The following MYH10 variants were observed in gnomAD, a reference collection of about 807,000 sequenced individuals.
MYH10 encodes myosin-10.
In MYH10, 55 loss-of-function variants were observed where a neutral mutation model predicts 257.8. That is an observed-to-expected ratio of 0.21 (90% CI 0.17 to 0.27). The LOEUF (loss-of-function observed/expected upper bound fraction) is 0.27, where lower values mean the gene tolerates loss of function less well. Among genes scored for constraint, MYH10 ranks in the 10% least tolerant of loss-of-function variants. MYH10 has a pLI of 1.00. For missense variants in MYH10, 1,631 were observed against 2,500.6 expected, an observed-to-expected ratio of 0.65 and a Z score of 7.42; for synonymous variants, 854 against 921.7, an observed-to-expected ratio of 0.93 and a Z score of 1.33.
At chr17:8,627,735 C>A (rs1272065201) in intron 1 of MYH10, among the ~76,000 whole-genome samples, 1 of 152,208 alleles carries the variant, frequency 6.6e-6, no homozygotes, top group Non-Finnish European at 1.5e-5. Flanking sequence ...AAGGACAACA[C>A]TATGATTTTT....
rs1401015943 is a variant in MYH10, at chr17:8,552,261, T to C, written c.821-117A>G. On this transcript the variant is annotated intron_variant, in intron 8 of 42. Transcript: ENST00000360416. This position sits in a 1 kb window ranked among gnomAD's most constrained non-coding sequence, Gnocchi z 4.8. ...ACATCTTCTTTCTCTGATTATTATA[T>C]AAACTATCCTGCAATGAACTATTCT... 4.3e-6 allele frequency: 2 copies of C among 470,474 alleles called. No individual in the cohort carries two copies. The highest frequency in any genetic ancestry group is 7.2e-6 in the Non-Finnish European group (2 of 276,580). The allele number at this position is 470,474 out of a possible 1,614,324, so 29.1% of individuals were successfully genotyped here. A position where few individuals can be genotyped will look rare whatever the true frequency, so the allele number is the denominator to read the frequency against.
intron 3 of MYH10, among the ~76,000 whole-genome samples, chr17:8,602,213 C>T (rs575216126): frequency 2.6e-5 from 4 of 152,264 alleles, no homozygotes; most frequent in South Asian, 2.1e-4. Flanking sequence ...CTCCTGACCT[C>T]GTGATCCGCT....
At chr17:8,588,990 TG>T in intron 4 of MYH10, 90 bp downstream of exon 4, 1 of 1,177,170 alleles carries the variant, frequency 8.5e-7, no homozygotes, top group African/African-American at 1.5e-5. Flanking sequence ...TAAAAATTAC[TG>T]CTCTACTTCT....
intron 17 of MYH10, among the ~76,000 whole-genome samples, chr17:8,528,366 T>G (rs985317266): frequency 2.0e-5 from 3 of 152,168 alleles, no homozygotes; most frequent in Non-Finnish European, 4.4e-5. Context: ...TGCTTGCATC[T>G]TCCACTACTG....
chr17:8,618,874 T>C (rs1490969905), intron 2 of MYH10, among the ~76,000 whole-genome samples: 5 of 152,232 alleles, frequency 3.3e-5, no homozygotes, highest in Non-Finnish European at 7.3e-5. Flanking sequence ...ATTCTAATTT[T>C]CACATAAAAA....
intron 37 of MYH10, among the ~76,000 whole-genome samples, chr17:8,482,521 T>C (rs1201524180): frequency 6.6e-6 from 1 of 152,184 alleles, no homozygotes; most frequent in Admixed American, 6.5e-5. Context: ...GCCTCTGGTG[T>C]TTTGTCTTCT....
chr17:8,553,941 A>C lies in MYH10; in HGVS notation c.820+14T>G. The C allele has an allele frequency of 6.2e-7, 1 of 1,605,252 alleles. No individual in the cohort carries two copies. Among genetic ancestry groups the C allele is most frequent in the South Asian group, 1.1e-5 (1 of 90,712 alleles). On this transcript the variant is annotated intron_variant, in intron 8 of 42. Transcript: ENST00000360416. ...CTTCTTTATTTTGGATTATACATTT[A>C]TGAAAAAGGATACATGTTTCAATGT...
chr17:8,588,837 C>T (rs997606860), intron 4 of MYH10, among the ~76,000 whole-genome samples: 41 of 152,148 alleles, frequency 2.7e-4, no homozygotes, highest in African/African-American at 9.9e-4. Context: ...ACACTTTGAC[C>T]TATGAACTAA....
Position 8,538,870 on chromosome 17 carries a change from T to A in MYH10, c.1606-2939A>T, listed in dbSNP as rs149439409. ...TCAATGTGTTCCCTGAAAGTTCACATGTTGGAAACCTGGTTCCTAATGCAG... is the reference window on the plus strand; with the variant it reads ...TCAATGTGTTCCCTGAAAGTTCACAAGTTGGAAACCTGGTTCCTAATGCAG... On this transcript the variant is annotated intron_variant, in intron 14 of 42. Coordinates refer to ENST00000360416, the MANE Select transcript of MYH10 (RefSeq NM_001256012.3). Among the ~76,000 whole-genome samples the A allele has an allele frequency of 7.5e-4, 115 of 152,324 alleles. 1 individual carries two copies. In the East Asian group the frequency reaches 0.02, roughly 26 times the overall value.
chr17:8,550,130 C>T (rs1402327969), intron 9 of MYH10, among the ~76,000 whole-genome samples: 1 of 150,354 alleles, frequency 6.7e-6, no homozygotes, highest in Non-Finnish European at 1.5e-5. Context: ...AAGTGAGGAG[C>T]GTCTCTGCCT....
At chr17:8,629,889 C>T (rs1177200074) in intron 1 of MYH10, among the ~76,000 whole-genome samples, 3 of 151,818 alleles carry the variant, frequency 2.0e-5, no homozygotes, top group Non-Finnish European at 4.4e-5. Context: ...GCGCTCCTTC[C>T]CCGGCGCCGG....
At chr17:8,613,161 G>A (rs944387652) in intron 2 of MYH10, among the ~76,000 whole-genome samples, 2 of 152,188 alleles carry the variant, frequency 1.3e-5, no homozygotes, top group Admixed American at 1.3e-4. Flanking sequence ...AAAGACGAAA[G>A]GCAGAACCCG....
intron 35 of MYH10, 61 bp from the exon 36 acceptor site, chr17:8,487,655 G>A: frequency 1.3e-6 from 2 of 1,599,644 alleles, no homozygotes; most frequent in Non-Finnish European, 1.7e-6. Flanking sequence ...AGAACAGGCA[G>A]ACTGTTCTCA....
intron 6 of MYH10, among the ~76,000 whole-genome samples, chr17:8,572,126 TGG>T (rs1411605475): frequency 6.6e-6 from 1 of 152,198 alleles, no homozygotes; most frequent in African/African-American, 2.4e-5. Flanking sequence ...TTTCCTAACT[TGG>T]AGGTAAAACC....
chr17:8,603,461 T>C (rs1314485734), intron 3 of MYH10, among the ~76,000 whole-genome samples: 4 of 152,208 alleles, frequency 2.6e-5, no homozygotes, highest in Admixed American at 6.5e-5. Context: ...CCCATCTTTC[T>C]GGAAACTCCC....
chr17:8,479,920 C>T lies in MYH10; in HGVS notation c.5597+190G>A, dbSNP rs1336550457. 2.6e-5 allele frequency among the ~76,000 whole-genome samples: 4 copies of T among 152,172 alleles called. No individual in the cohort carries two copies. The East Asian group carries it at 5.8e-4, about 22-fold the overall frequency. ...GCCTTCCCTGACTGTTCACGGATGCCGTCTGTCCTCCCAGGCTCTGAATGC... is the reference window on the plus strand; with the variant it reads ...GCCTTCCCTGACTGTTCACGGATGCTGTCTGTCCTCCCAGGCTCTGAATGC... On this transcript the variant is annotated intron_variant, in intron 40 of 42. Transcript: ENST00000360416.
At position 8,493,848 on chromosome 17, in the gene MYH10, A is replaced by T. The variant is rs1401594440; in HGVS notation, c.4094T>A (p.Leu1365Gln). The change falls in exon 32 of 43, where the codon CTG (leucine) becomes CAG (glutamine). Residue 1365 changes from leucine (L) to glutamine (Q), a missense_variant. Physicochemically the swap from Leu to Gln is moderately radical, Grantham distance 113. This residue lies in a region of MYH10 where 463 missense variants were observed against 621.8 expected (regional missense o/e 0.74). Transcript: ENST00000360416. ...LQEETRQKLN[L>Q]SSRIRQLEEE... ...TTCCAGCTGCCGGATCCGACTGCTC[A>T]GGTTTAGTTTCTGGCGTGTCTCCTC... 6.2e-7 allele frequency: 1 copy of T among 1,612,174 alleles called. No individual in the cohort carries two copies. The highest frequency in any genetic ancestry group is 2.2e-5 in the East Asian group (1 of 44,848).
chr17:8,577,174 T>A (rs1049763535), intron 5 of MYH10, 62 bp downstream of exon 5: 130 of 1,380,764 alleles, frequency 9.4e-5, no homozygotes, highest in Non-Finnish European at 1.3e-4. Context: ...GGCTTCCTTA[T>A]TTTTGTTTCT....
rs762288453 is a variant in MYH10 at position 8,504,771 on chromosome 17, G to A, written c.3522C>T (p.Asp1174=). ...SRNKAEKQKR[D]LSEELEALKT... ...TCAGAGCTTCCAGTTCCTCACTCAA[G>A]TCCCTTTTCTGCTTTTCGGCCTTGT... The change falls in exon 28 of 43, where the codon GAC becomes GAT. Residue 1174 remains aspartate, a synonymous_variant. Coordinates refer to ENST00000360416, the MANE Select transcript of MYH10 (RefSeq NM_001256012.3). This position sits in a 1 kb window ranked among gnomAD's most constrained non-coding sequence, Gnocchi z 5.6. 1.4e-5 allele frequency: 22 copies of A among 1,614,042 alleles called. No homozygotes were observed. Among genetic ancestry groups the A allele is most frequent in the Non-Finnish European group, 1.8e-5 (21 of 1,180,042 alleles).
Sources: gnomAD v4.1 joint callset for allele counts (sites outside exome capture counted in the v4.1 genomes callset) on GRCh38, gnomAD v4.1.1 for gene constraint, gnomAD v4.1.1 regional missense constraint, Gnocchi (gnomAD v3.1) non-coding constraint, MANE v1.5 for transcripts, NCBI Gene and HGNC (gene_info 2026-07-23, HGNC 2026-07-21) for gene names.